Variants in RYR3 observed in about 807,000 individuals in gnomAD.
RYR3 encodes the protein brain ryanodine receptor-calcium release channel.
A neutral mutation model predicts 584.3 loss-of-function variants in RYR3; 207 were observed. The observed-to-expected ratio is 0.35, with a 90% CI of 0.32 to 0.40. The LOEUF (loss-of-function observed/expected upper bound fraction) is 0.40. RYR3 is among the 10% of genes least tolerant of loss of function. The pLI is 1.00. For synonymous variants in RYR3, 2,416 were observed against 2,248.5 expected, an observed-to-expected ratio of 1.07 and a Z score of -2.11; for missense variants, 5,616 against 6,089.2, an observed-to-expected ratio of 0.92 and a Z score of 2.59.
intron 28 of RYR3, among the ~76,000 whole-genome samples, chr15:33,645,038 A>T (rs2062023243): frequency 6.6e-6 from 1 of 152,124 alleles, no homozygotes; most frequent in African/African-American, 2.4e-5. Context: ...TATTAAAAAA[A>T]AATTTAAAAG....
At chr15:33,330,429 A>G (rs1970244817) in intron 1 of RYR3, among the ~76,000 whole-genome samples, 1 of 151,984 alleles carries the variant, frequency 6.6e-6, no homozygotes, top group Non-Finnish European at 1.5e-5. Context: ...TTCCCAATCA[A>G]CCATAGCTTT....
At chr15:33,326,413 T>A (rs1969706793) in intron 1 of RYR3, among the ~76,000 whole-genome samples, 1 of 152,116 alleles carries the variant, frequency 6.6e-6, no homozygotes, top group Non-Finnish European at 1.5e-5. Flanking sequence ...GATCTTAAAG[T>A]GTGGTCAGAG....
chr15:33,813,437 T>C (rs756880363), intron 73 of RYR3, 30 bp from the exon 74 acceptor site: 2 of 1,578,044 alleles, frequency 1.3e-6, no homozygotes, highest in South Asian at 1.1e-5. Context: ...ATCAGCCTAA[T>C]GTGCACCAAC....
At chr15:33,425,754 G>C (rs1238388463) in intron 1 of RYR3, among the ~76,000 whole-genome samples, 5 of 148,094 alleles carry the variant, frequency 3.4e-5, no homozygotes, top group Admixed American at 2.8e-4. Context: ...CCATTCTCCT[G>C]CCTCAGCCTC....
intron 90 of RYR3, 66 bp downstream of exon 90, chr15:33,840,949 G>T: frequency 6.9e-7 from 1 of 1,441,738 alleles, no homozygotes; most frequent in South Asian, 1.2e-5. Context: ...CAGGCAGAGT[G>T]GCTCGCACCT....
chr15:33,385,432 T>C lies in RYR3; in HGVS notation c.51+74336T>C, dbSNP rs543148385. On this transcript the variant is annotated intron_variant, in intron 1 of 103. Transcript: ENST00000634891. The stretch of plus-strand genomic sequence containing the variant: ...ATTTTTAGCTGAGTAATGGGCATTA[T>C]GATTCAAGTCATTCTTAGTCCATAG... Among the ~76,000 whole-genome samples the C allele has an allele frequency of 5.3e-5, 8 of 152,352 alleles. No individual in the cohort carries two copies. In the East Asian group the frequency reaches 1.3e-3, roughly 26 times the overall value.
chr15:33,353,682 T>A (rs1243849219), intron 1 of RYR3, among the ~76,000 whole-genome samples: 1 of 152,214 alleles, frequency 6.6e-6, no homozygotes, highest in Non-Finnish European at 1.5e-5. Context: ...TGAAGTTTCT[T>A]TTCCCTACCT....
intron 67 of RYR3, among the ~76,000 whole-genome samples, chr15:33,792,815 A>G (rs2075242215): frequency 6.6e-6 from 1 of 152,078 alleles, no homozygotes; most frequent in Non-Finnish European, 1.5e-5. Context: ...GTTTTGTTGC[A>G]TTTTTCCCTG....
intron 94 of RYR3, chr15:33,850,561 A>T (rs2079032932): frequency 6.7e-6 from 1 of 150,360 alleles, no homozygotes. Context: ...TAGATAGACC[A>T]ATGTTTAATT....
chr15:33,615,662 A>G (rs1265943306), intron 19 of RYR3, among the ~76,000 whole-genome samples: 1 of 152,164 alleles, frequency 6.6e-6, no homozygotes, highest in African/African-American at 2.4e-5. Context: ...ATCTGCAGGC[A>G]CTGTGTTCTA....
intron 53 of RYR3, among the ~76,000 whole-genome samples, chr15:33,747,217 C>A (rs573242492): frequency 6.6e-6 from 1 of 152,146 alleles, no homozygotes; most frequent in South Asian, 2.1e-4. Context: ...AATTAATTAA[C>A]GTATTTGGTT....
At chr15:33,353,914 T>C (rs1973616297) in intron 1 of RYR3, among the ~76,000 whole-genome samples, 1 of 152,220 alleles carries the variant, frequency 6.6e-6, no homozygotes, top group African/African-American at 2.4e-5. Flanking sequence ...AAATAAATCA[T>C]GTTTTAACTC....
At chr15:33,405,045 T>TA (rs759013772) in intron 1 of RYR3, among the ~76,000 whole-genome samples, 83 of 152,312 alleles carry the variant, frequency 5.4e-4, no homozygotes, top group Non-Finnish European at 4.6e-4. Flanking sequence ...AACTAATACT[T>TA]ACCTCCCAGG....
chr15:33,319,487 A>T (rs992474417), intron 1 of RYR3, among the ~76,000 whole-genome samples: 1 of 152,236 alleles, frequency 6.6e-6, no homozygotes, highest in Non-Finnish European at 1.5e-5. Flanking sequence ...TGGCTAGAAG[A>T]GAACAGTTCA....
chr15:33,864,128 C>T lies in RYR3; in HGVS notation c.14466-10C>T, dbSNP rs755379679. The stretch of plus-strand genomic sequence containing the variant: ...CCAGAGTATCTAATACTATCTTTTC[C>T]TCGTTCCAGGTTCTTTCTGATGTAT... On this transcript the variant is annotated splice_polypyrimidine_tract_variant and intron_variant, in intron 102 of 103. Transcript: ENST00000634891. 2 of 1,607,110 alleles carry T rather than the reference C, an allele frequency of 1.2e-6. No individual in the cohort carries two copies. Among genetic ancestry groups the T allele is most frequent in the African/African-American group, 2.7e-5 (2 of 74,810 alleles).
At chr15:33,340,246 CT>C (rs1971660052) in intron 1 of RYR3, among the ~76,000 whole-genome samples, 1 of 152,190 alleles carries the variant, frequency 6.6e-6, no homozygotes, top group African/African-American at 2.4e-5. Context: ...GAGAACTTAC[CT>C]TTTGAGCAGT....
intron 18 of RYR3, among the ~76,000 whole-genome samples, chr15:33,607,440 A>T (rs1383611013): frequency 1.3e-5 from 2 of 152,172 alleles, no homozygotes; most frequent in Non-Finnish European, 2.9e-5. Flanking sequence ...TGGCAGAGAT[A>T]AGAACCACTG....
intron 2 of RYR3, among the ~76,000 whole-genome samples, chr15:33,491,782 G>C (rs2050983126): frequency 6.6e-6 from 1 of 152,122 alleles, no homozygotes; most frequent in Non-Finnish European, 1.5e-5. Context: ...GGTATTTCCT[G>C]GCCAGTCCCC....
chr15:33,660,179 C>A lies in RYR3; in HGVS notation c.4396-18C>A. 1 of 1,529,984 alleles carries A rather than the reference C, an allele frequency of 6.5e-7. No homozygotes were observed. The highest frequency in any genetic ancestry group is 8.9e-7 in the Non-Finnish European group (1 of 1,128,052). 94.8% of individuals were successfully genotyped at this position (1,529,984 alleles called of 1,614,324 possible). A position where few individuals can be genotyped will look rare whatever the true frequency, so the allele number is the denominator to read the frequency against. ...CAACTGTGTGTTTCTTTTCCAATGC[C>A]TTTCCCACGTGCCCCAGAACGCAAT... On this transcript the variant is annotated intron_variant, in intron 33 of 103. Coordinates refer to ENST00000634891, the MANE Select transcript of RYR3 (RefSeq NM_001036.6).
Sources: gnomAD v4.1 joint callset for allele counts (sites outside exome capture counted in the v4.1 genomes callset) on GRCh38, gnomAD v4.1.1 for gene constraint, MANE v1.5 for transcripts, NCBI Gene and HGNC (gene_info 2026-07-23, HGNC 2026-07-21) for gene names.